Variants in TMTC1 observed in about 807,000 individuals in gnomAD.
The protein encoded by TMTC1 is protein O-mannosyl-transferase TMTC1.
A neutral mutation model predicts 104.8 loss-of-function variants in TMTC1; 73 were observed. That is an observed-to-expected ratio of 0.70 (90% CI 0.58 to 0.85). TMTC1 has a LOEUF of 0.85. TMTC1 is among the 40% of genes least tolerant of loss of function. The probability of loss-of-function intolerance (pLI) is 0.00; values close to 1 mark genes in which losing one functional copy is unlikely to be tolerated. For missense variants in TMTC1, 1,035 were observed against 1,096.1 expected (o/e 0.94, Z 0.79); for synonymous variants, 434 against 428.7 (o/e 1.01, Z -0.15).
In TMTC1 at chr12:29,610,537, G is replaced by T. The variant is rs562576805; in HGVS notation, c.1129-6238C>A. 2.6e-5 allele frequency among the ~76,000 whole-genome samples: 4 copies of T among 152,274 alleles called. No individual in the cohort carries two copies. In the South Asian group the frequency reaches 8.3e-4, roughly 32 times the overall value. On this transcript the variant is annotated intron_variant, in intron 6 of 17. Transcript: ENST00000539277. ...ACAAGATCTAGAATCTTAGCTCCAT[G>T]ACAGTAATGTGGGGACAAAGGGAAT... is the stretch of plus-strand genomic sequence containing the variant.
intron 6 of TMTC1, among the ~76,000 whole-genome samples, chr12:29,605,168 A>G (rs2136405508): frequency 6.6e-6 from 1 of 152,238 alleles, no homozygotes; most frequent in Non-Finnish European, 1.5e-5. Context: ...AAAACCAAAT[A>G]GACTGTCCAT....
chr12:29,634,355 G>C (rs987751194), intron 5 of TMTC1, among the ~76,000 whole-genome samples: 3 of 152,142 alleles, frequency 2.0e-5, no homozygotes, highest in African/African-American at 7.2e-5. Flanking sequence ...CCAATCTCTG[G>C]AAGCACAGAA....
chr12:29,723,343 A>G (rs76065975), intron 5 of TMTC1, among the ~76,000 whole-genome samples: 1 of 152,226 alleles, frequency 6.6e-6, no homozygotes, highest in Non-Finnish European at 1.5e-5. Context: ...CCTACAAAGC[A>G]GTTATTATGA....
At chr12:29,595,486 C>T (rs1304129401) in intron 7 of TMTC1, among the ~76,000 whole-genome samples, 1 of 152,200 alleles carries the variant, frequency 6.6e-6, no homozygotes, top group Non-Finnish European at 1.5e-5. Context: ...CTGGTCATGA[C>T]CTTCCCATAG....
chr12:29,631,294 C>T (rs1938284678), intron 6 of TMTC1, among the ~76,000 whole-genome samples: 2 of 152,068 alleles, frequency 1.3e-5, no homozygotes, highest in African/African-American at 4.8e-5. Context: ...TTACAGTTTT[C>T]ACATTGTGTT....
At chr12:29,571,518 A>G (rs747752529) in intron 9 of TMTC1, among the ~76,000 whole-genome samples, 3 of 152,016 alleles carry the variant, frequency 2.0e-5, no homozygotes, top group Non-Finnish European at 4.4e-5. Flanking sequence ...GCCATATCTA[A>G]GGATATGTAT....
rs563918747 is a variant in TMTC1 at position 29,694,871 on chromosome 12, C to T, written c.938+56795G>A. Among the ~76,000 whole-genome samples the T allele has an allele frequency of 3.2e-4, 48 of 152,128 alleles. No homozygotes were observed. In the East Asian group the frequency reaches 4.6e-3, roughly 15 times the overall value. On this transcript the variant is annotated intron_variant, in intron 5 of 17. Transcript: ENST00000539277. Reference sequence around the variant, plus strand: ...AGGAGAATTGCTTGAACCTGGGAGGCGGAGGTTGCAGTGAGCCTTGCCATT... The same window carrying T: ...AGGAGAATTGCTTGAACCTGGGAGGTGGAGGTTGCAGTGAGCCTTGCCATT...
intron 5 of TMTC1, among the ~76,000 whole-genome samples, chr12:29,732,526 C>T (rs1036442405): frequency 3.9e-5 from 6 of 152,170 alleles, no homozygotes; most frequent in African/African-American, 2.4e-5. Flanking sequence ...CCAGAGAAAT[C>T]CCATTGTAGA....
intron 11 of TMTC1, among the ~76,000 whole-genome samples, chr12:29,526,608 T>A (rs1377046613): frequency 6.6e-6 from 1 of 152,182 alleles, no homozygotes; most frequent in East Asian, 1.9e-4. Context: ...CTTTAAGTTA[T>A]CAGAAACCTG....
intron 10 of TMTC1, among the ~76,000 whole-genome samples, chr12:29,537,396 T>C (rs1282741485): frequency 6.6e-6 from 1 of 152,206 alleles, no homozygotes; most frequent in Admixed American, 6.5e-5. Context: ...ATTATTATAC[T>C]CATTTTTCTA....
intron 5 of TMTC1, 62 bp from the exon 6 acceptor site, chr12:29,633,398 C>A: frequency 7.3e-7 from 1 of 1,370,166 alleles, no homozygotes; most frequent in Middle Eastern, 1.9e-4. Flanking sequence ...TGTAAGCGTT[C>A]AGTCACCATA....
intron 6 of TMTC1, among the ~76,000 whole-genome samples, chr12:29,616,947 G>A (rs1946996789): frequency 6.6e-6 from 1 of 152,028 alleles, no homozygotes; most frequent in African/African-American, 2.4e-5. Context: ...GGCACCCTGG[G>A]TCGTCTTATA....
intron 2 of TMTC1, 105 bp downstream of exon 2, chr12:29,767,793 T>C (rs1565823942): frequency 1.1e-5 from 12 of 1,064,108 alleles, no homozygotes; most frequent in Admixed American, 2.6e-5. Context: ...CATATCTACA[T>C]ATACACACAT....
At chr12:29,700,604 A>G (rs904753542) in intron 5 of TMTC1, among the ~76,000 whole-genome samples, 3 of 152,158 alleles carry the variant, frequency 2.0e-5, no homozygotes, top group Non-Finnish European at 4.4e-5. Context: ...AGAAGCTGGA[A>G]TTTTGTTGTA....
intron 5 of TMTC1, among the ~76,000 whole-genome samples, chr12:29,709,175 TA>T (rs1395710715): frequency 6.6e-6 from 1 of 152,178 alleles, no homozygotes. Context: ...TAAATTTCAA[TA>T]TTTGGAGAAA....
intron 5 of TMTC1, among the ~76,000 whole-genome samples, chr12:29,748,985 G>A (rs1943023181): frequency 6.6e-6 from 1 of 152,118 alleles, no homozygotes; most frequent in African/African-American, 2.4e-5. Context: ...CATCCGTCTG[G>A]TAGAAACATG....
intron 5 of TMTC1, chr12:29,660,124 T>A: frequency 1.5e-6 from 1 of 654,504 alleles, no homozygotes. Flanking sequence ...TGGCTTGTAC[T>A]GACCAACAGA....
intron 6 of TMTC1, among the ~76,000 whole-genome samples, chr12:29,622,045 A>G (rs2136463169): frequency 6.6e-6 from 1 of 152,294 alleles, no homozygotes; most frequent in East Asian, 1.9e-4. Flanking sequence ...TAAAAAACAA[A>G]TAAAAACCAA....
At chr12:29,545,505 T>A (rs1829421528) in intron 10 of TMTC1, among the ~76,000 whole-genome samples, 1 of 152,074 alleles carries the variant, frequency 6.6e-6, no homozygotes, top group African/African-American at 2.4e-5. Flanking sequence ...CCAAGCATAG[T>A]GGCTCATGCC....
Sources: allele counts gnomAD v4.1 joint callset (sites outside exome capture counted in the v4.1 genomes callset), GRCh38; gene constraint gnomAD v4.1.1; transcripts MANE v1.5; gene names NCBI Gene and HGNC (gene_info 2026-07-23, HGNC 2026-07-21).